Variants in ZNF320 observed in about 807,000 individuals in gnomAD.
ZNF320 encodes zinc finger gene 320.
A neutral mutation model predicts 6.8 loss-of-function variants in ZNF320; 2 were observed. That is an observed-to-expected ratio of 0.29 (90% CI 0.12 to 0.93). The LOEUF is 0.93. ZNF320 is among the 40% of genes least tolerant of loss of function. The probability of loss-of-function intolerance (pLI) is 0.55; values close to 1 mark genes in which losing one functional copy is unlikely to be tolerated. For synonymous variants in ZNF320, 208 were observed against 203.2 expected, an observed-to-expected ratio of 1.02 and a Z score of -0.20; for missense variants, 472 against 611.0, an observed-to-expected ratio of 0.77 and a Z score of 2.40.
rs1244145572 is a variant in ZNF320, at chr19:52,881,277, A to G, written c.849T>C (p.Ala283=). 6.2e-7 allele frequency: 1 copy of G among 1,613,926 alleles called. No individual in the cohort carries two copies. The highest frequency in any genetic ancestry group is 1.7e-5 in the Admixed American group (1 of 60,010). The change falls in exon 6 of 6, where the codon GCT becomes GCC. Residue 283 remains alanine, a synonymous_variant. Coordinates refer to ENST00000682928, the MANE Select transcript of ZNF320 (RefSeq NM_001351774.2). ...TATGAATTACGAGGACTGAATTTCG[A>G]GCGAAGGTCTTGCCACACTCATTAC... ...YKCNECGKTF[A]RNSVLVIHKA...
At chr19:52,862,574 T>C in exon 6 of ZNF320, 1 of 399,028 alleles carries the variant, frequency 2.5e-6, no homozygotes. Flanking sequence ...TTTGTGGCAG[T>C]CATTACATCT....
upstream of ZNF320, among the ~76,000 whole-genome samples, chr19:52,900,621 C>T (rs1237863145): frequency 1.3e-5 from 2 of 152,068 alleles, no homozygotes; most frequent in African/African-American, 4.8e-5. Flanking sequence ...GCCTGAAATA[C>T]TGGTTCTGGA....
chr19:52,863,957 A>G, exon 6 of ZNF320: 2 of 427,364 alleles, frequency 4.7e-6, no homozygotes, highest in South Asian at 1.8e-5. Flanking sequence ...CAAAATCACA[A>G]AAGAGAATAC....
intron 5 of ZNF320, chr19:52,865,434 T>A (rs1307302051): frequency 1.9e-4 from 29 of 153,240 alleles, no homozygotes; most frequent in African/African-American, 8.6e-4. Context: ...GGTCCAGGCT[T>A]TATATATATA....
At chr19:52,895,969 A>G (rs1160879250) in intron 1 of ZNF320, among the ~76,000 whole-genome samples, 3 of 152,232 alleles carry the variant, frequency 2.0e-5, no homozygotes, top group African/African-American at 7.2e-5. Flanking sequence ...TTAAAAATAT[A>G]TACATCTAAA....
intron 5 of ZNF320, among the ~76,000 whole-genome samples, chr19:52,867,092 G>A (rs13345475): frequency 0.3 from 45,782 of 151,636 alleles, 7,329 homozygotes; most frequent in African/African-American, 0.4. Flanking sequence ...AAAACAAATC[G>A]TATAATAAAA....
chr19:52,901,255 A>G (rs767297805), upstream of ZNF320, among the ~76,000 whole-genome samples: 2 of 152,190 alleles, frequency 1.3e-5, no homozygotes, highest in African/African-American at 2.4e-5. Context: ...GACTGTAGCA[A>G]TCTTTTGTCT....
In ZNF320 at chr19:52,881,765, T is replaced by C; in HGVS notation, c.361A>G (p.Ser121Gly). 1.2e-6 allele frequency: 2 copies of C among 1,613,984 alleles called. No individual in the cohort carries two copies. Among genetic ancestry groups the C allele is most frequent in the Non-Finnish European group, 1.7e-6 (2 of 1,179,848 alleles). Residue 121 changes from serine to glycine, a missense_variant, in exon 6 of 6, where the codon AGT (serine) becomes GGT (glycine). Physicochemically the swap from Ser to Gly is moderately conservative, Grantham distance 56. Transcript: ENST00000682928. ...CTTTGATCATATCGGTCTGTACTAC[T>C]AGTCAACTTTTTTATTTCTGTCATG... ...APMTEIKKLT[S>G]STDRYDQRHA... is the part of the protein sequence containing the mutation.
At chr19:52,886,967 A>AGG (rs2064101468) in intron 5 of ZNF320, among the ~76,000 whole-genome samples, 3 of 105,504 alleles carry the variant, frequency 2.8e-5, no homozygotes, top group South Asian at 3.4e-4. Context: ...GAAAGAAAGA[A>AGG]AAGAAAGAAA....
At position 52,881,778 on chromosome 19, in the gene ZNF320, T is replaced by A. The variant is rs2063929480; in HGVS notation, c.348A>T (p.Ile116=). The change falls in exon 6 of 6, where the codon ATA becomes ATT. Residue 116 remains isoleucine (I), a synonymous_variant. Coordinates refer to ENST00000682928, the MANE Select transcript of ZNF320 (RefSeq NM_001351774.2). ...GGTCTGTACTACTAGTCAACTTTTT[T>A]ATTTCTGTCATGGGTGCTTCATGGT... ...TNDHEAPMTE[I]KKLTSSTDRY... The A allele has an allele frequency of 6.2e-7, 1 of 1,613,934 alleles. No homozygotes were observed.
At chr19:52,865,638 CAT>C (rs1343160197) in intron 5 of ZNF320, among the ~76,000 whole-genome samples, 3 of 126,964 alleles carry the variant, frequency 2.4e-5, no homozygotes, top group African/African-American at 9.7e-5. Context: ...TATGATTATA[CAT>C]ATATATTTAT....
chr19:52,897,870 C>T (rs1352333214), upstream of ZNF320, among the ~76,000 whole-genome samples: 1 of 152,050 alleles, frequency 6.6e-6, no homozygotes, highest in Non-Finnish European at 1.5e-5. Context: ...GAGGGGTCGG[C>T]GGGGGCGAGA....
rs929277693 is a variant in ZNF320 at position 52,876,838 on chromosome 19, G to A, written c.*3758C>T. On this transcript the variant is annotated 3_prime_UTR_variant, in exon 6 of 6. Coordinates refer to ENST00000682928, the MANE Select transcript of ZNF320 (RefSeq NM_001351774.2). ...AATTAAGAAACACGTTGGTCATGGT[G>A]GCTCATGGCTGTAATCCCAGCACCT... is the stretch of plus-strand genomic sequence containing the variant. 6.6e-6 allele frequency: 1 copy of A among 151,618 alleles called. No homozygotes were observed. The highest frequency in any genetic ancestry group is 2.4e-5 in the African/African-American group (1 of 41,258). The allele number at this position is 151,618 out of a possible 1,614,324, so 9.4% of individuals were successfully genotyped here. A position where few individuals can be genotyped will look rare whatever the true frequency, so the allele number is the denominator to read the frequency against.
chr19:52,862,286 A>G (rs1257733684), exon 6 of ZNF320: 2 of 661,844 alleles, frequency 3.0e-6, no homozygotes, highest in Non-Finnish European at 5.1e-6. Flanking sequence ...CTCCAGGGTG[A>G]ATTCTAGTAT....
At chr19:52,859,842 C>T (rs1328231658), downstream of ZNF320, among the ~76,000 whole-genome samples, 1 of 151,760 alleles carries the variant, frequency 6.6e-6, no homozygotes, top group Non-Finnish European at 1.5e-5. Flanking sequence ...TTTTATTGCA[C>T]TACACGCTAC....
exon 6 of ZNF320, among the ~76,000 whole-genome samples, chr19:52,863,254 G>C (rs539787607): frequency 6.6e-6 from 1 of 152,184 alleles, no homozygotes; most frequent in African/African-American, 2.4e-5. Context: ...ATAACACATA[G>C]AAATGAATAA....
chr19:52,873,998 A>C (rs1568700961), downstream of ZNF320: 1 of 466,220 alleles, frequency 2.1e-6, no homozygotes. Context: ...TCACCTGAGG[A>C]AGAGCCATCC....
chr19:52,870,253 G>A (rs1410023583), intron 5 of ZNF320, among the ~76,000 whole-genome samples: 2 of 151,444 alleles, frequency 1.3e-5, no homozygotes, highest in African/African-American at 4.8e-5. Context: ...GGCCGAGGTG[G>A]ATGGATCACG....
At chr19:52,860,420 G>A (rs1163308387), downstream of ZNF320, among the ~76,000 whole-genome samples, 1 of 151,940 alleles carries the variant, frequency 6.6e-6, no homozygotes, top group Non-Finnish European at 1.5e-5. Context: ...ACAACATGGT[G>A]AAAGCCAGTC....
Sources: allele counts gnomAD v4.1 joint callset (sites outside exome capture counted in the v4.1 genomes callset), GRCh38; gene constraint gnomAD v4.1.1; transcripts MANE v1.5; gene names NCBI Gene and HGNC (gene_info 2026-07-23, HGNC 2026-07-21).